UPP2: variants seen among roughly 807,000 people sequenced by gnomAD.
UPP2 encodes the protein UPase 2.
UPP2 carries 23 observed loss-of-function variants against 26.7 expected under a neutral mutation model. The ratio of observed to expected loss-of-function variants is 0.86; its 90% CI spans 0.62 to 1.22. UPP2 has a LOEUF of 1.22. Among genes scored for constraint, UPP2 ranks in the 50% most tolerant of loss-of-function variants. The pLI is 0.00. For missense variants in UPP2, 387 were observed against 396.7 expected, an observed-to-expected ratio of 0.98 and a Z score of 0.21; for synonymous variants, 127 against 141.3, an observed-to-expected ratio of 0.90 and a Z score of 0.72.
intron 3 of UPP2, among the ~76,000 whole-genome samples, chr2:158,074,252 C>G (rs1293738784): frequency 6.6e-6 from 1 of 152,070 alleles, no homozygotes; most frequent in African/African-American, 2.4e-5. Flanking sequence ...CTGGTAATAG[C>G]AAGCACACAG....
chr2:158,037,330 G>T (rs1158582181), intron 3 of UPP2, among the ~76,000 whole-genome samples: 1 of 152,096 alleles, frequency 6.6e-6, no homozygotes, highest in Non-Finnish European at 1.5e-5. Context: ...AGCCGAGATT[G>T]TGCCATTGCA....
chr2:157,999,584 C>T (rs1049325547), intron 2 of UPP2, among the ~76,000 whole-genome samples: 1 of 152,166 alleles, frequency 6.6e-6, no homozygotes, highest in South Asian at 2.1e-4. Context: ...GTTTTAATAA[C>T]CATGACTGCT....
chr2:158,119,976 A>G (rs1156457444), intron 4 of UPP2, among the ~76,000 whole-genome samples: 7 of 151,442 alleles, frequency 4.6e-5, no homozygotes, highest in Non-Finnish European at 1.0e-4. Context: ...ACCCCACTAC[A>G]TTACAGCCTG....
intron 2 of UPP2, among the ~76,000 whole-genome samples, chr2:157,997,605 C>G (rs561391278): frequency 6.6e-6 from 1 of 152,268 alleles, no homozygotes; most frequent in East Asian, 1.9e-4. Context: ...CCACCATGGT[C>G]TCTAATTCAA....
intron 3 of UPP2, among the ~76,000 whole-genome samples, chr2:158,019,754 T>C (rs1683719951): frequency 6.6e-6 from 1 of 151,824 alleles, no homozygotes; most frequent in Admixed American, 6.6e-5. Flanking sequence ...ACACTTTATT[T>C]TACAAATATC....
intron 2 of UPP2, among the ~76,000 whole-genome samples, chr2:157,995,844 T>A (rs1683317153): frequency 6.6e-6 from 1 of 152,118 alleles, no homozygotes; most frequent in Non-Finnish European, 1.5e-5. Context: ...TTTGGTCATT[T>A]AAATGATTTC....
intron 2 of UPP2, among the ~76,000 whole-genome samples, chr2:158,109,106 A>G (rs1683257776): frequency 6.6e-6 from 1 of 152,066 alleles, no homozygotes; most frequent in South Asian, 2.1e-4. Context: ...AACATTCTAC[A>G]TTCAATTTCT....
intron 3 of UPP2, among the ~76,000 whole-genome samples, chr2:158,052,312 A>T (rs1261034387): frequency 6.6e-6 from 1 of 152,204 alleles, no homozygotes; most frequent in Non-Finnish European, 1.5e-5. Context: ...CAAAAGATGT[A>T]CCTGACTTAT....
intron 3 of UPP2, among the ~76,000 whole-genome samples, chr2:158,022,632 A>G (rs1431499152): frequency 6.6e-6 from 1 of 152,134 alleles, no homozygotes; most frequent in Non-Finnish European, 1.5e-5. Context: ...CTACCATGCT[A>G]CTTCTACTGC....
At chr2:158,123,280 C>T (rs557056622) in intron 5 of UPP2, among the ~76,000 whole-genome samples, 90 of 152,230 alleles carry the variant, frequency 5.9e-4, no homozygotes, top group African/African-American at 2.1e-3. Context: ...TGGACAATGT[C>T]GCAAAGGCAT....
chr2:158,112,369 T>C (rs1253089795), intron 2 of UPP2, among the ~76,000 whole-genome samples: 3 of 152,102 alleles, frequency 2.0e-5, no homozygotes, highest in Non-Finnish European at 2.9e-5. Context: ...GAATCATCTC[T>C]TCAAATGGTG....
At chr2:158,054,832 A>C (rs888104689) in intron 3 of UPP2, among the ~76,000 whole-genome samples, 3 of 152,262 alleles carry the variant, frequency 2.0e-5, no homozygotes, top group African/African-American at 7.2e-5. Flanking sequence ...TAACCATTTT[A>C]AGTGTATATA....
At chr2:158,079,408 T>C (rs1347995836) in intron 3 of UPP2, among the ~76,000 whole-genome samples, 1 of 151,702 alleles carries the variant, frequency 6.6e-6, no homozygotes, top group Non-Finnish European at 1.5e-5. Context: ...AATGAAAGAG[T>C]TGTGGAATTT....
chr2:158,017,373 C>T (rs1683675786), intron 3 of UPP2, among the ~76,000 whole-genome samples: 3 of 152,114 alleles, frequency 2.0e-5, no homozygotes, highest in Admixed American at 2.0e-4. Flanking sequence ...ATTTACCTTT[C>T]TGGGCAATAC....
chr2:158,115,217 CAGAT>C lies in UPP2; in HGVS notation c.299_302del (p.Arg100ThrfsTer51). The C allele has an allele frequency of 6.2e-7, 1 of 1,613,276 alleles. No individual in the cohort carries two copies. The highest frequency in any genetic ancestry group is 8.5e-7 in the Non-Finnish European group (1 of 1,179,660). ...TAAAAGACATCTGTGCTGGGACAGA[CAGAT>C]ACTGTATGTACAAAACCGGGCCTGT... is the stretch of plus-strand genomic sequence containing the variant. On this transcript the variant is annotated frameshift_variant, in exon 3 of 7. Transcript: ENST00000005756. LOFTEE classifies it high-confidence loss of function.
At chr2:158,012,192 A>G (rs182333709) in intron 2 of UPP2, among the ~76,000 whole-genome samples, 64 of 151,708 alleles carry the variant, frequency 4.2e-4, no homozygotes, top group Admixed American at 1.8e-3. Context: ...TGAGGAAAAG[A>G]GAAAATTTTA....
upstream of UPP2, among the ~76,000 whole-genome samples, chr2:158,101,636 A>T (rs954061141): frequency 6.6e-6 from 1 of 152,212 alleles, no homozygotes; most frequent in African/African-American, 2.4e-5. Flanking sequence ...AAACCAAAAG[A>T]GGACTCGTAT....
chr2:158,079,855 G>A lies in UPP2; in HGVS notation c.148-22185G>A, dbSNP rs1682693265. On this transcript the variant is annotated intron_variant, in intron 3 of 9. Transcript: ENST00000605860. ...TATAATCAGTGTTAACAAATGTAAA[G>A]CTAACTGTATTCTGTGAAGTGTATC... 2.0e-5 allele frequency among the ~76,000 whole-genome samples: 3 copies of A among 152,124 alleles called. No homozygotes were observed. In the South Asian group the frequency reaches 6.2e-4, roughly 32 times the overall value.
At chr2:158,004,453 A>G (rs1683458904) in intron 2 of UPP2, among the ~76,000 whole-genome samples, 1 of 152,158 alleles carries the variant, frequency 6.6e-6, no homozygotes, top group South Asian at 2.1e-4. Flanking sequence ...AATTTTTCCT[A>G]CTTTTGTAAA....
Sources: allele counts gnomAD v4.1 joint callset (sites outside exome capture counted in the v4.1 genomes callset), GRCh38; gene constraint gnomAD v4.1.1; transcripts MANE v1.5; gene names NCBI Gene and HGNC (gene_info 2026-07-23, HGNC 2026-07-21).